The following SWAP70 variants were observed in gnomAD, a reference collection of about 807,000 sequenced individuals.
SWAP70 encodes the protein switching B cell complex subunit SWAP70, also known as switch-associated protein 70.
Under a neutral mutation model 80.2 loss-of-function variants are expected in SWAP70, and 34 were observed. The ratio of observed to expected loss-of-function variants is 0.42; its 90% CI spans 0.32 to 0.56. The LOEUF (loss-of-function observed/expected upper bound fraction) is 0.56. Among genes scored for constraint, SWAP70 ranks in the 20% least tolerant of loss-of-function variants. The pLI is 0.09. For missense variants in SWAP70, 578 were observed against 690.7 expected (o/e 0.84, Z 1.83); for synonymous variants, 239 against 238.5 (o/e 1.00, Z -0.02).
At chr11:9,687,288 G>C (rs992909848) in intron 1 of SWAP70, among the ~76,000 whole-genome samples, 21 of 152,142 alleles carry the variant, frequency 1.4e-4, no homozygotes, top group Non-Finnish European at 2.2e-4. Context: ...AGTAAGAAAA[G>C]TTATACCAAA....
In SWAP70 at chr11:9,731,487, A is replaced by T. The variant is rs187863729; in HGVS notation, c.899-1042A>T. On this transcript the variant is annotated intron_variant, in intron 6 of 11. Transcript: ENST00000318950. The stretch of plus-strand genomic sequence containing the variant: ...ATATACTCACACATTTTTCAAAATG[A>T]CATAGATTGCAAACAATCTAGCTAT... 2.0e-5 allele frequency among the ~76,000 whole-genome samples: 3 copies of T among 152,368 alleles called. No individual in the cohort carries two copies. The East Asian group carries it at 5.8e-4, about 29-fold the overall frequency.
intron 1 of SWAP70, among the ~76,000 whole-genome samples, chr11:9,666,269 A>G (rs989409605): frequency 3.9e-5 from 6 of 151,910 alleles, no homozygotes; most frequent in African/African-American, 1.5e-4. Flanking sequence ...TATTTTTAGT[A>G]GAAACGGGGT....
intron 1 of SWAP70, among the ~76,000 whole-genome samples, chr11:9,671,916 T>G (rs1216088122): frequency 9.1e-6 from 1 of 109,694 alleles, no homozygotes; most frequent in East Asian, 2.8e-4. Context: ...ATATAATAAT[T>G]ATAATATAAT....
chr11:9,681,021 C>G (rs1337514136), intron 1 of SWAP70: 1 of 159,174 alleles, frequency 6.3e-6, no homozygotes, highest in Non-Finnish European at 1.5e-5. Context: ...CCCTTCCTCC[C>G]TCACCACTCC....
intron 1 of SWAP70, among the ~76,000 whole-genome samples, chr11:9,681,854 C>T (rs1028714372): frequency 1.3e-5 from 2 of 152,032 alleles, no homozygotes; most frequent in African/African-American, 4.8e-5. Flanking sequence ...ATGAAATTCC[C>T]CTGTGAGAAT....
chr11:9,748,247 AG>A (rs1222647415), intron 10 of SWAP70, among the ~76,000 whole-genome samples, 191 bp downstream of exon 10: 2 of 152,228 alleles, frequency 1.3e-5, no homozygotes, highest in African/African-American at 4.8e-5. Context: ...GAAACTGCAC[AG>A]TAATTTGAAC....
intron 2 of SWAP70, 128 bp from the exon 3 acceptor site, chr11:9,713,338 A>T: frequency 1.1e-6 from 1 of 919,626 alleles, no homozygotes; most frequent in Non-Finnish European, 1.6e-6. Context: ...AATATGTAGG[A>T]TATGGCTGTT....
intron 1 of SWAP70, 106 bp downstream of exon 1, chr11:9,664,384 G>C (rs771275394): frequency 8.5e-6 from 11 of 1,288,588 alleles, no homozygotes; most frequent in Non-Finnish European, 1.2e-5. Flanking sequence ...GGGCGGGGCG[G>C]GTCGGAATGC....
intron 1 of SWAP70, among the ~76,000 whole-genome samples, chr11:9,669,648 T>C (rs900140132): frequency 1.3e-5 from 2 of 152,196 alleles, no homozygotes; most frequent in African/African-American, 4.8e-5. Flanking sequence ...CTTACTTTGA[T>C]TGGAGTGTAG....
intron 1 of SWAP70, among the ~76,000 whole-genome samples, chr11:9,684,108 G>A (rs975995546): frequency 6.6e-6 from 1 of 151,878 alleles, no homozygotes; most frequent in Admixed American, 6.6e-5. Flanking sequence ...TTGAGACAGG[G>A]TCTTACACTG....
At chr11:9,703,756 A>G (rs927204948) in intron 2 of SWAP70, among the ~76,000 whole-genome samples, 2 of 152,168 alleles carry the variant, frequency 1.3e-5, no homozygotes, top group African/African-American at 2.4e-5. Flanking sequence ...AAACACTCAC[A>G]ATGATTTGAA....
At chr11:9,720,891 C>T (rs1851125696) in intron 3 of SWAP70, among the ~76,000 whole-genome samples, 1 of 152,350 alleles carries the variant, frequency 6.6e-6, no homozygotes, top group Non-Finnish European at 1.5e-5. Flanking sequence ...TCTTGGCTCA[C>T]TGCAATCTCT....
intron 5 of SWAP70, among the ~76,000 whole-genome samples, chr11:9,728,577 G>A (rs1287041545): frequency 6.6e-6 from 1 of 152,164 alleles, no homozygotes; most frequent in Admixed American, 6.5e-5. Flanking sequence ...GACATTTTGA[G>A]TGCAAGAAAT....
intron 9 of SWAP70, among the ~76,000 whole-genome samples, 179 bp from the exon 10 acceptor site, chr11:9,747,679 T>C (rs1054153872): frequency 2.0e-5 from 3 of 152,270 alleles, no homozygotes; most frequent in African/African-American, 2.4e-5. Context: ...GCAGGACATA[T>C]AGGCTGCTTT....
chr11:9,726,651 A>G (rs1217651026), intron 4 of SWAP70, among the ~76,000 whole-genome samples: 1 of 152,248 alleles, frequency 6.6e-6, no homozygotes, highest in East Asian at 1.9e-4. Flanking sequence ...AATCAATATC[A>G]TATATATTTA....
intron 1 of SWAP70, among the ~76,000 whole-genome samples, chr11:9,675,935 T>C (rs4997559): frequency 1.3e-5 from 2 of 151,488 alleles, no homozygotes; most frequent in African/African-American, 4.9e-5. Context: ...GATTGTTAAA[T>C]ACAACTGATT....
Position 9,679,488 on chromosome 11 carries a change from T to C in SWAP70, c.100-14658T>C, listed in dbSNP as rs554054882. Among the ~76,000 whole-genome samples the C allele has an allele frequency of 2.0e-5, 3 of 152,270 alleles. No individual in the cohort carries two copies. The East Asian group carries it at 5.8e-4, about 29-fold the overall frequency. On this transcript the variant is annotated intron_variant, in intron 1 of 11. Transcript: ENST00000318950. Reference sequence around the variant, plus strand: ...GAAATTTAGCCTTCTAACTGAACCTTGTAGCTTGATGAGCAACTGACTCCA... The same window carrying C: ...GAAATTTAGCCTTCTAACTGAACCTCGTAGCTTGATGAGCAACTGACTCCA...
At position 9,713,757 on chromosome 11, in the gene SWAP70, G is replaced by C. The variant is rs985298318; in HGVS notation, c.414+118G>C. ...AAGGAGATCCTTGGCTAGTGTTTTT[G>C]GATCAGAGGCAAAGCAGCCTGAGTA... is the stretch of plus-strand genomic sequence containing the variant. On this transcript the variant is annotated intron_variant, in intron 3 of 11. Coordinates refer to ENST00000318950, the MANE Select transcript of SWAP70 (RefSeq NM_015055.4). 1.7e-5 allele frequency: 21 copies of C among 1,209,970 alleles called. No homozygotes were observed. In the Middle Eastern group the frequency reaches 1.8e-3, roughly 103 times the overall value. The allele number at this position is 1,209,970 out of a possible 1,614,324, so 75.0% of individuals were successfully genotyped here. A position where few individuals can be genotyped will look rare whatever the true frequency, so the allele number is the denominator to read the frequency against.
At chr11:9,718,354 A>G (rs1345580185) in intron 3 of SWAP70, among the ~76,000 whole-genome samples, 1 of 152,246 alleles carries the variant, frequency 6.6e-6, no homozygotes, top group Admixed American at 6.5e-5. Flanking sequence ...TCATTGGAGT[A>G]GATTTATGTG....
Sources: allele counts gnomAD v4.1 joint callset (sites outside exome capture counted in the v4.1 genomes callset), GRCh38; gene constraint gnomAD v4.1.1; transcripts MANE v1.5; gene names NCBI Gene and HGNC (gene_info 2026-07-23, HGNC 2026-07-21).